The following SMARCA4 variants were observed in gnomAD, a reference collection of about 807,000 sequenced individuals.
SMARCA4 encodes the protein SWI/SNF-related matrix-associated actin-dependent regulator of chromatin subfamily A member 4.
In SMARCA4, 31 loss-of-function variants were observed where a neutral mutation model predicts 193.9. That is an observed-to-expected ratio of 0.16 (90% CI 0.12 to 0.22). The LOEUF is 0.22. SMARCA4 is among the 10% of genes least tolerant of loss of function. SMARCA4 has a pLI of 1.00. For missense variants in SMARCA4, 1,148 were observed against 2,296.0 expected (o/e 0.50, Z 10.22); for synonymous variants, 942 against 933.1 (o/e 1.01, Z -0.17).
chr19:11,061,210 T>A lies in SMARCA4; in HGVS notation c.4912-574T>A, dbSNP rs1324909226. On this transcript the variant is annotated intron_variant, in intron 34 of 34. Coordinates refer to ENST00000344626, the MANE Select transcript of SMARCA4 (RefSeq NM_003072.5). Reference sequence around the variant, plus strand: ...CTTTAAAAAAAAAAAAAAAAATATATATATATATATATATATATATATATA... The same window carrying A: ...CTTTAAAAAAAAAAAAAAAAATATAAATATATATATATATATATATATATA... Among the ~76,000 whole-genome samples, 719 of 85,956 alleles carry A rather than the reference T, an allele frequency of 8.4e-3. 11 individuals are homozygous for A. The highest frequency in any genetic ancestry group is 0.033 in the African/African-American group (449 of 13,440). 56.4% of individuals were successfully genotyped at this position (85,956 alleles called of 152,430 possible).
At position 11,041,583 on chromosome 19, in the gene SMARCA4, C is replaced by A. The variant is rs540903096; in HGVS notation, c.4424+23C>A. 1.6e-5 allele frequency: 26 copies of A among 1,607,984 alleles called. No individual in the cohort carries two copies. In the Admixed American group the frequency reaches 2.0e-4, roughly 12 times the overall value. ...CAGGTAAGCGAGGAGGCGGGGAGGG[C>A]GGGGGCTGTAGGGGTCCCCGTGGGA... On this transcript the variant is annotated intron_variant, in intron 30 of 34. Transcript: ENST00000344626. This position sits in a 1 kb window ranked among gnomAD's most constrained non-coding sequence, Gnocchi z 5.6.
chr19:10,977,404 G>T (rs1293828208), intron 1 of SMARCA4, among the ~76,000 whole-genome samples: 1 of 151,576 alleles, frequency 6.6e-6, no homozygotes, highest in East Asian at 1.9e-4. Flanking sequence ...GCTCACTGCA[G>T]CCTCTGCCTC....
rs1204672128 is a variant in SMARCA4 at position 10,984,778 on chromosome 19, C to G, written c.222+405C>G. Among the ~76,000 whole-genome samples the G allele has an allele frequency of 6.6e-6, 1 of 152,240 alleles. No individual in the cohort carries two copies. Among genetic ancestry groups the G allele is most frequent in the African/African-American group, 2.4e-5 (1 of 41,470 alleles). ...GCTCGCAGAGCCGAGCAGCGGGTTC[C>G]CTTTCCTCCAAGGCGTGCCCCTCAG... On this transcript the variant is annotated intron_variant, in intron 2 of 34. Coordinates refer to ENST00000344626, the MANE Select transcript of SMARCA4 (RefSeq NM_003072.5). This position sits in a 1 kb window ranked among gnomAD's most constrained non-coding sequence, Gnocchi z 4.3.
chr19:10,996,175 T>C (rs1184878309), intron 9 of SMARCA4, 38 bp from the exon 10 acceptor site: 1 of 1,611,132 alleles, frequency 6.2e-7, no homozygotes, highest in Non-Finnish European at 8.5e-7. Context: ...ACATGCACAT[T>C]GTGCCACCAC....
At position 11,021,648 on chromosome 19, in the gene SMARCA4, C is replaced by T. The variant is rs1487562856; in HGVS notation, c.2617-77C>T. ...ACCTGGAGCCTTCCTGGCTGCTGGG[C>T]GCAGAGTGGGAGATTCTCCCCATGT... is the stretch of plus-strand genomic sequence containing the variant. On this transcript the variant is annotated intron_variant, in intron 18 of 34. Coordinates refer to ENST00000344626, the MANE Select transcript of SMARCA4 (RefSeq NM_003072.5). 4.6e-6 allele frequency: 7 copies of T among 1,526,698 alleles called. No individual in the cohort carries two copies. In the Admixed American group the frequency reaches 9.8e-5, roughly 21 times the overall value. 94.6% of individuals were successfully genotyped at this position (1,526,698 alleles called of 1,614,324 possible).
chr19:11,060,572 T>C, intron 34 of SMARCA4: 1 of 351,550 alleles, frequency 2.8e-6, no homozygotes, highest in East Asian at 6.2e-5. Flanking sequence ...CCCCGTCTCC[T>C]CAGTGGCATA....
intron 9 of SMARCA4, 46 bp from the exon 10 acceptor site, chr19:10,996,167 A>G: frequency 2.5e-6 from 4 of 1,604,128 alleles, no homozygotes; most frequent in South Asian, 1.1e-5. Context: ...GCTCACAGAC[A>G]TGCACATTGT....
intron 1 of SMARCA4, among the ~76,000 whole-genome samples, chr19:10,963,385 A>G (rs990368388): frequency 2.2e-4 from 33 of 151,286 alleles, no homozygotes; most frequent in Non-Finnish European, 3.7e-4. Context: ...AAAAAAAAAA[A>G]AAAAAAGAAA....
intron 22 of SMARCA4, among the ~76,000 whole-genome samples, chr19:11,025,817 G>A (rs1410976032): frequency 6.6e-6 from 1 of 152,212 alleles, no homozygotes; most frequent in Non-Finnish European, 1.5e-5. Context: ...TTGGCTCACT[G>A]GCTTTTCTCA....
At chr19:10,998,967 A>G (rs1161422807) in intron 11 of SMARCA4, among the ~76,000 whole-genome samples, 3 of 151,368 alleles carry the variant, frequency 2.0e-5, no homozygotes, top group South Asian at 4.2e-4. Flanking sequence ...TGGTGGTGCA[A>G]TCATGGCTCC....
intron 6 of SMARCA4, 139 bp from the exon 7 acceptor site, chr19:10,989,178 C>T: frequency 9.2e-7 from 1 of 1,086,570 alleles, no homozygotes; most frequent in Non-Finnish European, 1.4e-6. Flanking sequence ...TGCCCTGCGG[C>T]CAGCATCCTC....
At chr19:11,036,156 T>C (rs2075257997) in intron 29 of SMARCA4, among the ~76,000 whole-genome samples, 1 of 152,062 alleles carries the variant, frequency 6.6e-6, no homozygotes, top group African/African-American at 2.4e-5. Flanking sequence ...GCCATCCTGT[T>C]CCCCAGCCAG....
rs1568514549 is a variant in SMARCA4, at chr19:11,035,017, C to T, written c.4055C>T (p.Ala1352Val). Reference protein sequence around the residue: ...ELPSWIIKDDAEVERLTCEEE... With the variant: ...ELPSWIIKDDVEVERLTCEEE... ...CCCTCGTGGATCATCAAGGACGACGCGGAGGTGGAGCGGCTGACCTGTGAG... is the reference window on the plus strand; with the variant it reads ...CCCTCGTGGATCATCAAGGACGACGTGGAGGTGGAGCGGCTGACCTGTGAG... Residue 1352 changes from alanine (A) to valine (V), a missense_variant, in exon 29 of 35, where the codon GCG (alanine) becomes GTG (valine). Ala to Val is a moderately conservative substitution (Grantham distance 64). This residue lies in a region of SMARCA4 where 84 missense variants were observed against 202.2 expected (regional missense o/e 0.42). Coordinates refer to ENST00000344626, the MANE Select transcript of SMARCA4 (RefSeq NM_003072.5). 3 of 1,612,374 alleles carry T rather than the reference C, an allele frequency of 1.9e-6. No individual in the cohort carries two copies. The highest frequency in any genetic ancestry group is 2.5e-6 in the Non-Finnish European group (3 of 1,179,634).
chr19:11,013,289 C>A (rs1315712030), intron 16 of SMARCA4, among the ~76,000 whole-genome samples, 177 bp downstream of exon 16: 1 of 152,206 alleles, frequency 6.6e-6, no homozygotes, highest in South Asian at 2.1e-4. Flanking sequence ...TGAGGCCTCT[C>A]TTCCTGCTTG....
In SMARCA4 at chr19:10,987,951, T is replaced by A. The variant is rs2086211805; in HGVS notation, c.1118+27T>A. The A allele has an allele frequency of 6.2e-7, 1 of 1,610,314 alleles. No individual in the cohort carries two copies. The highest frequency in any genetic ancestry group is 8.5e-7 in the Non-Finnish European group (1 of 1,179,248). On this transcript the variant is annotated intron_variant, in intron 6 of 34. Transcript: ENST00000344626. This position sits in a 1 kb window ranked among gnomAD's most constrained non-coding sequence, Gnocchi z 5.3. ...TGAGGGCGGGGCCCAGTTGCCAAGG[T>A]CACTGCCCTGTGTCCCCCATGTCCC...
intron 8 of SMARCA4, among the ~76,000 whole-genome samples, chr19:10,992,622 C>T (rs189112221): frequency 1.1e-4 from 16 of 151,390 alleles, no homozygotes; most frequent in Admixed American, 4.6e-4. Flanking sequence ...GAGTTTCACT[C>T]TTGTTGCCCA....
At chr19:11,001,478 A>G (rs137984228) in intron 11 of SMARCA4, among the ~76,000 whole-genome samples, 65 of 152,304 alleles carry the variant, frequency 4.3e-4, no homozygotes, top group African/African-American at 1.5e-3. Context: ...TAAAAATCTT[A>G]AAAAGCGAGG....
In SMARCA4 at chr19:11,041,498, C is replaced by G. The variant is rs530717926; in HGVS notation, c.4362C>G (p.Asn1454Lys). The change falls in exon 30 of 35, where the codon AAC becomes AAG. Residue 1454 changes from asparagine (N) to lysine (K), a missense_variant. Transcript: ENST00000344626. The surrounding 1 kb of genome is among the most constrained non-coding windows in gnomAD (Gnocchi z 5.6). ...GRPPAEKLSP[N>K]PPNLTKKMKK... ...CGCCTGCCGAGAAACTCTCCCCTAA[C>G]CCACCCAACCTCACCAAGAAGATGA... The G allele has an allele frequency of 6.2e-7, 1 of 1,613,944 alleles. No individual in the cohort carries two copies. Among genetic ancestry groups the G allele is most frequent in the Non-Finnish European group, 8.5e-7 (1 of 1,180,008 alleles).
chr19:11,037,477 ACAT>A (rs1167690741), intron 29 of SMARCA4, among the ~76,000 whole-genome samples: 10 of 152,196 alleles, frequency 6.6e-5, no homozygotes, highest in Admixed American at 2.6e-4. Flanking sequence ...ATGTCTAGTC[ACAT>A]CATCCTTTAC....
Sources: gnomAD v4.1 joint callset for allele counts (sites outside exome capture counted in the v4.1 genomes callset) on GRCh38, gnomAD v4.1.1 for gene constraint, gnomAD v4.1.1 regional missense constraint, Gnocchi (gnomAD v3.1) non-coding constraint, MANE v1.5 for transcripts, NCBI Gene and HGNC (gene_info 2026-07-23, HGNC 2026-07-21) for gene names.